GZMB: variants seen among roughly 807,000 people sequenced by gnomAD.
The protein encoded by GZMB is T-cell serine protease 1-3E.
GZMB carries 27 observed loss-of-function variants against 24.2 expected under a neutral mutation model. The observed-to-expected ratio is 1.12, with a 90% confidence interval of 0.82 to 1.54. The LOEUF (loss-of-function observed/expected upper bound fraction) is 1.54. Among genes scored for constraint, GZMB ranks in the 40% most tolerant of loss-of-function variants. GZMB has a pLI of 0.00. For missense variants in GZMB, 336 were observed against 310.1 expected, an observed-to-expected ratio of 1.08 and a Z score of -0.63; for synonymous variants, 121 against 115.1, an observed-to-expected ratio of 1.05 and a Z score of -0.33.
chr14:24,632,000 AG>A lies in GZMB; in HGVS notation c.457del (p.Leu153TrpfsTer11), dbSNP rs753764959. The A allele has an allele frequency of 1.4e-5, 23 of 1,613,988 alleles. No individual in the cohort carries two copies. The highest frequency in any genetic ancestry group is 5.3e-5 in the African/African-American group (4 of 74,912). On this transcript the variant is annotated frameshift_variant, in exon 4 of 5. Coordinates refer to ENST00000216341, the MANE Select transcript of GZMB (RefSeq NM_004131.6). LOFTEE classifies it high-confidence loss of function. ...SVAGWGQTAP[L>X]GKHSHTLQEV... ...TTGTAGTGTGTGTGAGTGTTTTCCC[AG>A]GGGGGCCGTCTGCCCCCAGCCGGCC... is the stretch of plus-strand genomic sequence containing the variant.
chr14:24,632,925 A>G lies in GZMB; in HGVS notation c.193T>C (p.Cys65Arg). The G allele has an allele frequency of 6.2e-7, 1 of 1,612,166 alleles. No individual in the cohort carries two copies. Among genetic ancestry groups the G allele is most frequent in the Non-Finnish European group, 8.5e-7 (1 of 1,178,914 alleles). ...RDDFVLTAAH[C>R]WGSSINVTLG... ...TTTTCTGCTCCTCACCTTCCCCAACAGTGAGCAGCTGTCAGCACGAAGTCG... is the reference window on the plus strand; with the variant it reads ...TTTTCTGCTCCTCACCTTCCCCAACGGTGAGCAGCTGTCAGCACGAAGTCG... The change falls in exon 2 of 5, where the codon TGT becomes CGT. Residue 65 changes from cysteine (C) to arginine (R), a missense_variant. Transcript: ENST00000216341.
At position 24,632,088 on chromosome 14, in the gene GZMB, C is replaced by T. The variant is rs1357849570; in HGVS notation, c.370G>A (p.Val124Met). ...TTGCTAGGTAGCCTGAGGGGCTGCA[C>T]AGCTCTGGTCCGCTTGGCCTTTCTC... ...LERKAKRTRA[V>M]QPLRLPSNKA... Residue 124 changes from valine (V) to methionine (M), a missense_variant, in exon 4 of 5, where the codon GTG (valine) becomes ATG (methionine). Transcript: ENST00000216341. The T allele has an allele frequency of 1.2e-6, 2 of 1,614,098 alleles. No individual in the cohort carries two copies. Among genetic ancestry groups the T allele is most frequent in the Admixed American group, 1.7e-5 (1 of 60,026 alleles).
intron 3 of GZMB, 33 bp downstream of exon 3, chr14:24,632,290 CA>C (rs1156530141): frequency 7.5e-6 from 12 of 1,589,970 alleles, no homozygotes; most frequent in Non-Finnish European, 1.0e-5. Flanking sequence ...CCAACTGGAC[CA>C]AGAAGAGCAA....
At position 24,631,122 on chromosome 14, in the gene GZMB, G is replaced by C. The variant is rs781616019; in HGVS notation, c.693C>G (p.Thr231=). Residue 231 remains threonine, a synonymous_variant, in exon 5 of 5, where the codon ACC becomes ACG. Coordinates refer to ENST00000216341, the MANE Select transcript of GZMB (RefSeq NM_004131.6). ...RNNGMPPRAC[T]KVSSFVHWIK... ...TCCAGTGTACAAAGCTTGAGACTTT[G>C]GTGCAGGCTCGTGGAGGCATGCCAT... The C allele has an allele frequency of 1.9e-6, 3 of 1,612,790 alleles. No individual in the cohort carries two copies. The highest frequency in any genetic ancestry group is 2.5e-6 in the Non-Finnish European group (3 of 1,178,904).
chr14:24,631,559 C>T (rs751247882), intron 4 of GZMB: 2 of 554,016 alleles, frequency 3.6e-6, no homozygotes, highest in Non-Finnish European at 6.4e-6. Flanking sequence ...TCTGAAGACA[C>T]ACCTGGTTAT....
chr14:24,632,806 A>G, intron 2 of GZMB, 109 bp downstream of exon 2: 1 of 1,147,516 alleles, frequency 8.7e-7, no homozygotes, highest in Non-Finnish European at 1.3e-6. Context: ...CCCTCTAAGG[A>G]GACCTCCTGG....
At position 24,632,058 on chromosome 14, in the gene GZMB, C is replaced by A. The variant is rs377050414; in HGVS notation, c.400G>T (p.Ala134Ser). 5 of 1,614,100 alleles carry A rather than the reference C, an allele frequency of 3.1e-6. No homozygotes were observed. The highest frequency in any genetic ancestry group is 1.3e-5 in the African/African-American group (1 of 74,938). The change falls in exon 4 of 5, where the codon GCC (alanine) becomes TCC (serine). Residue 134 changes from alanine (A) to serine (S), a missense_variant. Ala to Ser is a moderately conservative substitution (Grantham distance 99, BLOSUM62 1). Coordinates refer to ENST00000216341, the MANE Select transcript of GZMB (RefSeq NM_004131.6). ...VQPLRLPSNK[A>S]QVKPGQTCSV... ...CATGTCTGCCCTGGCTTCACCTGGG[C>A]CTTGTTGCTAGGTAGCCTGAGGGGC...
chr14:24,631,744 A>G, intron 4 of GZMB, 114 bp downstream of exon 4: 4 of 880,868 alleles, frequency 4.5e-6, no homozygotes, highest in Non-Finnish European at 7.3e-6. Flanking sequence ...TTCCAGAGAG[A>G]AATATCACAG....
intron 4 of GZMB, chr14:24,631,622 G>C (rs1170475324): frequency 1.7e-6 from 1 of 587,724 alleles, no homozygotes. Flanking sequence ...ACCTGGAGTG[G>C]GTGGAGTGTT....
chr14:24,632,392 C>G lies in GZMB; in HGVS notation c.271G>C (p.Val91Leu). 1 of 1,613,130 alleles carries G rather than the reference C, an allele frequency of 6.2e-7. No individual in the cohort carries two copies. The highest frequency in any genetic ancestry group is 8.5e-7 in the Non-Finnish European group (1 of 1,179,630). ...EQEPTQQFIP[V>L]KRPIPHPAYN... Reference sequence around the variant, plus strand: ...GCTGGATGGGGGATGGGTCTTTTCACAGGGATAAACTGCTGGGTCGGCTCC... The same window carrying G: ...GCTGGATGGGGGATGGGTCTTTTCAGAGGGATAAACTGCTGGGTCGGCTCC... Residue 91 changes from valine (V) to leucine (L), a missense_variant, in exon 3 of 5, where the codon GTG becomes CTG. Coordinates refer to ENST00000216341, the MANE Select transcript of GZMB (RefSeq NM_004131.6).
In GZMB at chr14:24,632,655, T is replaced by G. The variant is rs1594828619; in HGVS notation, c.204-196A>C. The G allele has an allele frequency of 5.6e-6, 5 of 891,298 alleles. No individual in the cohort carries two copies. The East Asian group carries it at 1.3e-4, about 24-fold the overall frequency. The allele number at this position is 891,298 out of a possible 1,614,324, so 55.2% of individuals were successfully genotyped here. On this transcript the variant is annotated intron_variant, in intron 2 of 4. Transcript: ENST00000216341. Reference sequence around the variant, plus strand: ...GTTCCCCCTAGAAACACAGGTGGAATTGCTTCAGTTTGTATTCTATGCCAA... The same window carrying G: ...GTTCCCCCTAGAAACACAGGTGGAAGTGCTTCAGTTTGTATTCTATGCCAA...
At chr14:24,632,193 A>C in intron 3 of GZMB, 75 bp from the exon 4 acceptor site, 1 of 1,568,796 alleles carries the variant, frequency 6.4e-7, no homozygotes, top group East Asian at 2.2e-5. Flanking sequence ...GGGGCTGCAC[A>C]ATCTTCCCTC....
At position 24,631,853 on chromosome 14, in the gene GZMB, C is replaced by G; in HGVS notation, c.600+5G>C. 1 of 1,613,542 alleles carries G rather than the reference C, an allele frequency of 6.2e-7. No homozygotes were observed. Among genetic ancestry groups the G allele is most frequent in the Non-Finnish European group, 8.5e-7 (1 of 1,179,424 alleles). On this transcript the variant is annotated splice_donor_5th_base_variant and intron_variant, in intron 4 of 4. Transcript: ENST00000216341. ...GAGCCAATCCAGGCAGGTGCATAGT[C>G]TTACCTTAAAGGAAGTCTTTTTAAT...
chr14:24,631,311 G>C, intron 4 of GZMB, 97 bp from the exon 5 acceptor site: 1 of 1,051,410 alleles, frequency 9.5e-7, no homozygotes, highest in Non-Finnish European at 1.4e-6. Context: ...AACTTGCACA[G>C]CCTACATGTG....
Position 24,631,257 on chromosome 14 carries a change from G to A in GZMB, c.601-43C>T, listed in dbSNP as rs767644740. The A allele has an allele frequency of 2.5e-6, 4 of 1,575,656 alleles. No homozygotes were observed. The Admixed American group carries it at 6.9e-5, about 27-fold the overall frequency. On this transcript the variant is annotated intron_variant, in intron 4 of 4. Transcript: ENST00000216341. Reference sequence around the variant, plus strand: ...AAGGACTGAGCTGATGCTCCTCCGGGTCCTGCCCTCTCTTCCATCTCAAGC... The same window carrying A: ...AAGGACTGAGCTGATGCTCCTCCGGATCCTGCCCTCTCTTCCATCTCAAGC...
At chr14:24,631,264 C>T in intron 4 of GZMB, 50 bp from the exon 5 acceptor site, 1 of 1,552,332 alleles carries the variant, frequency 6.4e-7, no homozygotes, top group Non-Finnish European at 8.8e-7. Context: ...CGGGTCCTGC[C>T]CTCTCTTCCA....
chr14:24,632,801 T>G (rs2067009776), intron 2 of GZMB, 114 bp downstream of exon 2: 1 of 1,120,624 alleles, frequency 8.9e-7, no homozygotes, highest in African/African-American at 1.5e-5. Flanking sequence ...TCTCACCCTC[T>G]AAGGAGACCT....
chr14:24,631,608 T>A (rs2066995073), intron 4 of GZMB: 1 of 578,766 alleles, frequency 1.7e-6, no homozygotes, highest in South Asian at 2.2e-5. Flanking sequence ...TCCTAATATC[T>A]GTGACCTGGA....
At chr14:24,633,142 G>A (rs1233890699) in intron 1 of GZMB, 80 bp from the exon 2 acceptor site, 1 of 1,501,370 alleles carries the variant, frequency 6.7e-7, no homozygotes, top group Middle Eastern at 1.8e-4. Flanking sequence ...CAGAACTCCT[G>A]GGCATTTGGG....
Sources: gnomAD v4.1 joint callset for allele counts on GRCh38, gnomAD v4.1.1 for gene constraint, MANE v1.5 for transcripts, NCBI Gene and HGNC (gene_info 2026-07-23, HGNC 2026-07-21) for gene names.